The following LIN28B variants were observed in gnomAD, a reference collection of about 807,000 sequenced individuals.
LIN28B encodes lin-28 RNA binding posttranscriptional regulator B, also known as protein lin-28 homolog B.
A neutral mutation model predicts 21.9 loss-of-function variants in LIN28B; 5 were observed. The ratio of observed to expected loss-of-function variants is 0.23; its 90% CI spans 0.12 to 0.48. LIN28B has a LOEUF of 0.48. LIN28B is among the 20% of genes least tolerant of loss of function. LIN28B has a pLI of 0.98. For synonymous variants in LIN28B, 109 were observed against 111.3 expected, an observed-to-expected ratio of 0.98 and a Z score of 0.13; for missense variants, 245 against 310.5, an observed-to-expected ratio of 0.79 and a Z score of 1.58.
chr6:105,069,409 G>A lies in LIN28B; in HGVS notation c.384-9005G>A, dbSNP rs115977390. The stretch of plus-strand genomic sequence containing the variant: ...TAATTGGTAATGATGGTGAAATTTA[G>A]GGAAAGTAGCTATTGATTAAGGAGC... On this transcript the variant is annotated intron_variant, in intron 3 of 3. Transcript: ENST00000345080. 5.4e-3 allele frequency among the ~76,000 whole-genome samples: 825 copies of A among 152,086 alleles called. 6 individuals carry two copies. Among genetic ancestry groups the A allele is most frequent in the African/African-American group, 0.019 (795 of 41,494 alleles).
At chr6:104,949,476 C>G (rs577786923) in intron 2 of LIN28B, among the ~76,000 whole-genome samples, 2 of 152,286 alleles carry the variant, frequency 1.3e-5, no homozygotes, top group South Asian at 4.1e-4. Flanking sequence ...GGTCAACATT[C>G]AGTAGAACCC....
chr6:104,948,527 T>C (rs1464778723), intron 2 of LIN28B, among the ~76,000 whole-genome samples: 1 of 152,196 alleles, frequency 6.6e-6, no homozygotes, highest in African/African-American at 2.4e-5. Flanking sequence ...GTGGCTGTTT[T>C]TGGAGTATTC....
At chr6:105,004,276 A>G (rs1339912931) in intron 2 of LIN28B, among the ~76,000 whole-genome samples, 1 of 152,228 alleles carries the variant, frequency 6.6e-6, no homozygotes, top group East Asian at 1.9e-4. Context: ...AGACACACCC[A>G]GGATCAATAC....
rs115154363 is a variant in LIN28B at position 104,950,546 on chromosome 6, A to T, written c.67+37A>T. Reference sequence around the variant, plus strand: ...TTTTTTTTTTTAAATATTTTGTTTAATTAATGTTTTAAAAGATCAAGATCG... The same window carrying T: ...TTTTTTTTTTTAAATATTTTGTTTATTTAATGTTTTAAAAGATCAAGATCG... On this transcript the variant is annotated intron_variant, in intron 3 of 5. Transcript: ENST00000635857. 5.2e-4 allele frequency: 590 copies of T among 1,140,360 alleles called. 4 individuals are homozygous for T. In the African/African-American group the frequency reaches 9.1e-3, roughly 18 times the overall value. 70.6% of individuals were successfully genotyped at this position (1,140,360 alleles called of 1,614,324 possible).
intron 2 of LIN28B, among the ~76,000 whole-genome samples, chr6:105,001,249 T>G (rs1770713323): frequency 1.3e-5 from 2 of 152,248 alleles, no homozygotes; most frequent in Admixed American, 1.3e-4. Context: ...ATGTGGGGTA[T>G]GAACAGTGTC....
intron 2 of LIN28B, among the ~76,000 whole-genome samples, chr6:104,938,149 G>A (rs1226299516): frequency 6.6e-6 from 1 of 150,812 alleles, no homozygotes; most frequent in Admixed American, 6.6e-5. Context: ...GGAGGTTGAA[G>A]ATGGATTCTC....
intron 2 of LIN28B, among the ~76,000 whole-genome samples, chr6:104,970,422 A>G (rs1769951912): frequency 1.3e-5 from 2 of 152,164 alleles, no homozygotes; most frequent in South Asian, 4.1e-4. Flanking sequence ...TTAGTCACAG[A>G]TGGGATTGCA....
intron 3 of LIN28B, among the ~76,000 whole-genome samples, chr6:105,070,196 G>A (rs543907982): frequency 2.2e-4 from 33 of 152,214 alleles, no homozygotes; most frequent in African/African-American, 7.9e-4. Context: ...GATGCTTAGG[G>A]CATCATCCTC....
At chr6:105,008,426 C>T (rs940365813) in intron 2 of LIN28B, among the ~76,000 whole-genome samples, 3 of 151,978 alleles carry the variant, frequency 2.0e-5, no homozygotes, top group South Asian at 4.1e-4. Flanking sequence ...GGGCGGATCA[C>T]GAGGTCAGGA....
chr6:105,041,216 A>G (rs894169649), intron 3 of LIN28B, among the ~76,000 whole-genome samples: 1 of 152,090 alleles, frequency 6.6e-6, no homozygotes, highest in Admixed American at 6.5e-5. Flanking sequence ...CTAGCCTGCA[A>G]TTGGATTTTA....
intron 2 of LIN28B, among the ~76,000 whole-genome samples, chr6:104,974,488 C>CA (rs375405881): frequency 0.058 from 3,733 of 64,524 alleles, 58 homozygotes; most frequent in African/African-American, 0.072. Flanking sequence ...GACTCCATCT[C>CA]AAAAAAAAAA....
At chr6:105,076,719 C>T (rs1772431523) in intron 3 of LIN28B, among the ~76,000 whole-genome samples, 1 of 151,844 alleles carries the variant, frequency 6.6e-6, no homozygotes, top group Admixed American at 6.6e-5. Context: ...GCAGTTCTGC[C>T]TCAGCCTCCC....
chr6:105,010,333 A>G (rs1770897877), intron 2 of LIN28B, among the ~76,000 whole-genome samples: 1 of 151,600 alleles, frequency 6.6e-6, no homozygotes, highest in Admixed American at 6.6e-5. Context: ...ACTACACTCC[A>G]GCCTGGGCAA....
intron 3 of LIN28B, among the ~76,000 whole-genome samples, chr6:105,030,637 C>T (rs1771403373): frequency 7.0e-6 from 1 of 143,444 alleles, no homozygotes; most frequent in African/African-American, 2.6e-5. Context: ...GCTCTTGTCG[C>T]CCAGTCTGGA....
intron 2 of LIN28B, among the ~76,000 whole-genome samples, chr6:105,024,294 G>A (rs2114337090): frequency 6.6e-6 from 1 of 151,852 alleles, no homozygotes; most frequent in African/African-American, 2.4e-5. Context: ...GCTTAGCCCA[G>A]TGATAGAGTT....
chr6:104,990,133 C>G (rs2114266140), intron 2 of LIN28B, among the ~76,000 whole-genome samples: 1 of 151,418 alleles, frequency 6.6e-6, no homozygotes, highest in South Asian at 2.1e-4. Flanking sequence ...TTCCTAGTTA[C>G]TTTTCTGTAA....
In LIN28B at chr6:105,083,190, G is replaced by C. The variant is rs1224461526; in HGVS notation, c.*4407G>C. On this transcript the variant is annotated 3_prime_UTR_variant, in exon 4 of 4. Coordinates refer to ENST00000345080, the MANE Select transcript of LIN28B (RefSeq NM_001004317.4). Reference sequence around the variant, plus strand: ...TCACTCGCATGCAGTCATCTGGAGGGACTGAAGCACTGTTTGCCTTTCTGT... The same window carrying C: ...TCACTCGCATGCAGTCATCTGGAGGCACTGAAGCACTGTTTGCCTTTCTGT... 1 of 152,606 alleles carries C rather than the reference G, an allele frequency of 6.6e-6. No individual in the cohort carries two copies. Among genetic ancestry groups the C allele is most frequent in the Non-Finnish European group, 1.5e-5 (1 of 68,042 alleles). 9.5% of individuals were successfully genotyped at this position (152,606 alleles called of 1,614,324 possible). A position where few individuals can be genotyped will look rare whatever the true frequency, so the allele number is the denominator to read the frequency against.
At position 105,059,725 on chromosome 6, in the gene LIN28B, A is replaced by G. The variant is rs144712488; in HGVS notation, c.384-18689A>G. Among the ~76,000 whole-genome samples, 33 of 152,222 alleles carry G rather than the reference A, an allele frequency of 2.2e-4. No individual in the cohort carries two copies. The East Asian group carries it at 5.0e-3, about 23-fold the overall frequency. The stretch of plus-strand genomic sequence containing the variant: ...TATTACTAAAATGTATGACAATACT[A>G]TTTGGCCCAAAAAGTATGGCAAATA... On this transcript the variant is annotated intron_variant, in intron 3 of 3. Coordinates refer to ENST00000345080, the MANE Select transcript of LIN28B (RefSeq NM_001004317.4).
At chr6:104,991,418 C>A (rs1282989184) in intron 2 of LIN28B, among the ~76,000 whole-genome samples, 7 of 144,552 alleles carry the variant, frequency 4.8e-5, no homozygotes, top group African/African-American at 1.8e-4. Flanking sequence ...CCAGACGGGG[C>A]GGCGGGGCAG....
Sources: allele counts gnomAD v4.1 joint callset (sites outside exome capture counted in the v4.1 genomes callset), GRCh38; gene constraint gnomAD v4.1.1; transcripts MANE v1.5; gene names NCBI Gene and HGNC (gene_info 2026-07-23, HGNC 2026-07-21).